TTC39A: variants seen among roughly 807,000 people sequenced by gnomAD.
TTC39A encodes the protein tetratricopeptide repeat protein 39A.
A neutral mutation model predicts 82.3 loss-of-function variants in TTC39A; 46 were observed. That is an observed-to-expected ratio of 0.56 (90% confidence interval 0.44 to 0.71). TTC39A has a LOEUF of 0.71. Ranked by LOEUF, TTC39A falls within the 30% of genes least tolerant of loss-of-function variation. The pLI is 0.00. For missense variants in TTC39A, 543 were observed against 712.9 expected (o/e 0.76, Z 2.71); for synonymous variants, 254 against 275.2 (o/e 0.92, Z 0.76).
At chr1:51,304,582 G>A (rs1404041222) in intron 8 of TTC39A, among the ~76,000 whole-genome samples, 1 of 152,138 alleles carries the variant, frequency 6.6e-6, no homozygotes, top group Non-Finnish European at 1.5e-5. Flanking sequence ...CTTCAACCTG[G>A]GGTTGGTACT....
chr1:51,341,113 G>A (rs889459062), intron 1 of TTC39A, among the ~76,000 whole-genome samples: 2 of 152,070 alleles, frequency 1.3e-5, no homozygotes, highest in African/African-American at 4.8e-5. Flanking sequence ...AGTGAGCCGA[G>A]ATCGCACCAT....
chr1:51,315,532 C>T (rs780274807), intron 2 of TTC39A, among the ~76,000 whole-genome samples: 16 of 152,182 alleles, frequency 1.1e-4, no homozygotes, highest in Non-Finnish European at 2.2e-4. Flanking sequence ...CTCTCCAAGT[C>T]TCTTCCTCTT....
chr1:51,338,959 C>A (rs1161772879), intron 1 of TTC39A, among the ~76,000 whole-genome samples: 1 of 152,186 alleles, frequency 6.6e-6, no homozygotes, highest in African/African-American at 2.4e-5. Flanking sequence ...CTTTGGTACA[C>A]CTTTCAATCA....
chr1:51,337,424 ATT>A (rs1017474435), intron 1 of TTC39A, among the ~76,000 whole-genome samples: 4,233 of 131,904 alleles, frequency 0.032, 77 homozygotes, highest in Non-Finnish European at 0.051. Context: ...ATTCTGTTTA[ATT>A]TTTTTTTTTT....
intron 7 of TTC39A, chr1:51,305,528 C>G: frequency 3.2e-6 from 1 of 307,698 alleles, no homozygotes; most frequent in Non-Finnish European, 6.2e-6. Context: ...GATGCTCACC[C>G]CCTCCCGTAG....
chr1:51,303,297 C>A, intron 8 of TTC39A, 105 bp from the exon 9 acceptor site: 1 of 967,244 alleles, frequency 1.0e-6, no homozygotes, highest in Non-Finnish European at 1.5e-6. Flanking sequence ...CGGAAGAGCA[C>A]TGGAACCCTG....
intron 1 of TTC39A, among the ~76,000 whole-genome samples, chr1:51,336,964 C>T (rs1570025873): frequency 6.6e-6 from 1 of 151,782 alleles, no homozygotes; most frequent in Middle Eastern, 3.4e-3. Context: ...TGGAGACCAG[C>T]TTCAGCAACA....
At chr1:51,303,646 C>G (rs369181102) in intron 8 of TTC39A, among the ~76,000 whole-genome samples, 4 of 152,194 alleles carry the variant, frequency 2.6e-5, no homozygotes, top group Non-Finnish European at 5.9e-5. Flanking sequence ...GCAGACCCCC[C>G]ACCTTGTTTC....
chr1:51,324,468 G>C (rs1645638745), intron 1 of TTC39A, among the ~76,000 whole-genome samples: 1 of 152,100 alleles, frequency 6.6e-6, no homozygotes, highest in South Asian at 2.1e-4. Context: ...TTCACGCTTG[G>C]CTGGAGGGGG....
Position 51,303,090 on chromosome 1 carries a change from C to T in TTC39A, c.757G>A (p.Val253Met), listed in dbSNP as rs777724015. 8 of 1,591,646 alleles carry T rather than the reference C, an allele frequency of 5.0e-6. No homozygotes were observed. The highest frequency in any genetic ancestry group is 1.7e-4 in the Middle Eastern group (1 of 6,044). Residue 253 changes from valine (V) to methionine (M), a missense_variant, in exon 9 of 18, where the codon GTG becomes ATG. Transcript: ENST00000680483. ...GGTCCCCCTGTACACCTACCGAGCA[C>T]GAAGGTGAGGAAGGTGTGGTAGCAC... ...LLCYHTFLTFVLGTGNVNIEE... is the reference protein window; with the variant it reads ...LLCYHTFLTFMLGTGNVNIEE...
chr1:51,321,824 T>C lies in TTC39A; in HGVS notation c.43A>G (p.Thr15Ala), dbSNP rs779377645. Residue 15 changes from threonine to alanine, a missense_variant and splice_region_variant, in exon 2 of 18, where the codon ACT (threonine) becomes GCT (alanine). Physicochemically the swap from Thr to Ala is moderately conservative, Grantham distance 58 (BLOSUM62 0). Coordinates refer to ENST00000680483, the MANE Select transcript of TTC39A (RefSeq NM_001297663.2). This position sits in a 1 kb window ranked among gnomAD's most constrained non-coding sequence, Gnocchi z 4.6. ...GCCTCATGGAGGCTGCTCTCAGGAGTCCTGGGGGAAGAGATGCGGGGCATG... is the reference window on the plus strand; with the variant it reads ...GCCTCATGGAGGCTGCTCTCAGGAGCCCTGGGGGAAGAGATGCGGGGCATG... ...GGAPGALPAG[T>A]PESSLHEALD... The C allele has an allele frequency of 2.9e-5, 46 of 1,612,448 alleles. No homozygotes were observed. Among genetic ancestry groups the C allele is most frequent in the Non-Finnish European group, 3.7e-5 (44 of 1,179,376 alleles).
chr1:51,321,855 G>A lies in TTC39A; in HGVS notation c.42-30C>T. 1 of 1,589,412 alleles carries A rather than the reference G, an allele frequency of 6.3e-7. No homozygotes were observed. Among genetic ancestry groups the A allele is most frequent in the Non-Finnish European group, 8.6e-7 (1 of 1,163,498 alleles). ...GGGAAGAGATGCGGGGCATGACACAGGGGCCCTCCAACCCTCCAGCCTCTC... is the reference window on the plus strand; with the variant it reads ...GGGAAGAGATGCGGGGCATGACACAAGGGCCCTCCAACCCTCCAGCCTCTC... On this transcript the variant is annotated intron_variant, in intron 1 of 17. Transcript: ENST00000680483. The surrounding 1 kb of genome is among the most constrained non-coding windows in gnomAD (Gnocchi z 4.6).
intron 14 of TTC39A, among the ~76,000 whole-genome samples, chr1:51,293,616 G>A (rs1261368573): frequency 6.6e-6 from 1 of 152,196 alleles, no homozygotes; most frequent in African/African-American, 2.4e-5. Flanking sequence ...ACCAGAAAAA[G>A]GTCTCTCAAG....
At chr1:51,293,530 A>G (rs1459067449) in intron 14 of TTC39A, among the ~76,000 whole-genome samples, 1 of 152,218 alleles carries the variant, frequency 6.6e-6, no homozygotes, top group Non-Finnish European at 1.5e-5. Flanking sequence ...AAAGGAATCT[A>G]TTATTATACC....
At position 51,305,589 on chromosome 1, in the gene TTC39A, C is replaced by T. The variant is rs1644838468; in HGVS notation, c.588+388G>A. On this transcript the variant is annotated intron_variant, in intron 7 of 17. Transcript: ENST00000680483. The stretch of plus-strand genomic sequence containing the variant: ...AACAAGACTTAGTTCTCTGTCCCCT[C>T]TAAGTCATCAGCTGGTTTCAGGACT... The T allele has an allele frequency of 1.2e-5, 4 of 321,206 alleles. No individual in the cohort carries two copies. In the South Asian group the frequency reaches 1.4e-4, roughly 11 times the overall value. The allele number at this position is 321,206 out of a possible 1,614,324, so 19.9% of individuals were successfully genotyped here.
intron 4 of TTC39A, 137 bp from the exon 5 acceptor site, chr1:51,311,458 C>A: frequency 1.4e-6 from 1 of 715,358 alleles, no homozygotes; most frequent in South Asian, 1.9e-5. Context: ...CCTCGTCACC[C>A]AGTGCTTCAG....
At chr1:51,290,857 G>A (rs1644184011) in intron 14 of TTC39A, among the ~76,000 whole-genome samples, 1 of 152,138 alleles carries the variant, frequency 6.6e-6, no homozygotes. Context: ...ATGTAAGATG[G>A]ACCAATGTCC....
At chr1:51,297,245 C>T (rs1292072133) in intron 12 of TTC39A, 6 of 151,608 alleles carry the variant, frequency 4.0e-5, no homozygotes, top group African/African-American at 1.2e-4. Flanking sequence ...TGGTCTCGCT[C>T]TGTCGCCCAG....
chr1:51,336,039 C>G (rs564139362), upstream of TTC39A, among the ~76,000 whole-genome samples: 8 of 151,952 alleles, frequency 5.3e-5, no homozygotes, highest in Non-Finnish European at 1.0e-4. Context: ...CTCCCCAACA[C>G]CTGCAGTCTC....
Sources: gnomAD v4.1 joint callset for allele counts (sites outside exome capture counted in the v4.1 genomes callset) on GRCh38, gnomAD v4.1.1 for gene constraint, Gnocchi (gnomAD v3.1) non-coding constraint, MANE v1.5 for transcripts, NCBI Gene and HGNC (gene_info 2026-07-23, HGNC 2026-07-21) for gene names.